The following GGA2 variants were observed in gnomAD, a reference collection of about 807,000 sequenced individuals.
GGA2 encodes ADP-ribosylation factor-binding protein GGA2.
A neutral mutation model predicts 79.5 loss-of-function variants in GGA2; 48 were observed. The observed-to-expected ratio is 0.60, with a 90% CI of 0.48 to 0.77. The LOEUF (loss-of-function observed/expected upper bound fraction) is 0.77, where lower values mean the gene tolerates loss of function less well. Ranked by LOEUF, GGA2 falls within the 30% of genes least tolerant of loss-of-function variation. GGA2 has a pLI of 0.00. For missense variants in GGA2, 770 were observed against 774.0 expected (o/e 0.99, Z 0.06); for synonymous variants, 317 against 302.0 (o/e 1.05, Z -0.51).
At chr16:23,516,011 ATT>A (rs34582265) in intron 2 of GGA2, among the ~76,000 whole-genome samples, 1 of 141,078 alleles carries the variant, frequency 7.1e-6, no homozygotes, top group Non-Finnish European at 1.5e-5. Context: ...CCTCTGACCT[ATT>A]TTTTTTTTTT....
Position 23,464,976 on chromosome 16 carries a change from G to A in GGA2, c.*2614C>T. 1 of 258,170 alleles carries A rather than the reference G, an allele frequency of 3.9e-6. No homozygotes were observed. The highest frequency in any genetic ancestry group is 7.5e-6 in the Non-Finnish European group (1 of 132,968). 16.0% of individuals were successfully genotyped at this position (258,170 alleles called of 1,614,324 possible). ...ACACTTAAGAGACAGAGGAAAAAGA[G>A]CAGTCACGGAGGTAGGTCACGAAAT... On this transcript the variant is annotated 3_prime_UTR_variant, in exon 17 of 17. Transcript: ENST00000309859.
upstream of GGA2, chr16:23,522,254 A>C: frequency 5.9e-6 from 1 of 169,474 alleles, no homozygotes; most frequent in Admixed American, 5.7e-5. Flanking sequence ...GAAACTACCT[A>C]TTACTGGCCA....
At chr16:23,508,973 G>A (rs1329648187) in intron 1 of GGA2, among the ~76,000 whole-genome samples, 1 of 151,894 alleles carries the variant, frequency 6.6e-6, no homozygotes, top group Non-Finnish European at 1.5e-5. Flanking sequence ...TGCTGACTAC[G>A]CCTGCTCATT....
Position 23,520,136 on chromosome 16 carries a change from C to T in GGA2, c.9-497G>A, listed in dbSNP as rs561652876. 1.5e-4 allele frequency among the ~76,000 whole-genome samples: 23 copies of T among 152,072 alleles called. No individual in the cohort carries two copies. The South Asian group carries it at 3.3e-3, about 22-fold the overall frequency. On this transcript the variant is annotated intron_variant, in intron 1 of 5. Transcript: ENST00000569300. ...CGGCACATGGCACATGCCTGTAATC[C>T]CAGCTACTTGGGAGGCTGAGGCAGG...
At chr16:23,497,110 CAA>C (rs10716091) in intron 1 of GGA2, among the ~76,000 whole-genome samples, 38 of 144,800 alleles carry the variant, frequency 2.6e-4, no homozygotes, top group East Asian at 4.0e-4. Flanking sequence ...GCCTCAAAAA[CAA>C]AAAAAAAAAA....
chr16:23,486,300 G>GA (rs1192497690), intron 7 of GGA2, 148 bp from the exon 8 acceptor site: 3 of 695,096 alleles, frequency 4.3e-6, no homozygotes, highest in Non-Finnish European at 4.9e-6. Context: ...CACAGTGGGT[G>GA]AAAAAATACT....
chr16:23,472,399 T>C lies in GGA2; in HGVS notation c.1451-2234A>G, dbSNP rs1210347892. On this transcript the variant is annotated intron_variant, in intron 14 of 16. Coordinates refer to ENST00000309859, the MANE Select transcript of GGA2 (RefSeq NM_015044.4). ...TTTTAGTAGAGACAGGGTTTCACCA[T>C]GTTGGCCAGGTTGGTCTCAAACTCC... Among the ~76,000 whole-genome samples, 14 of 151,534 alleles carry C rather than the reference T, an allele frequency of 9.2e-5. No homozygotes were observed. The East Asian group carries it at 2.2e-3, about 24-fold the overall frequency.
chr16:23,503,890 T>C (rs959622890), intron 1 of GGA2, among the ~76,000 whole-genome samples: 1 of 152,168 alleles, frequency 6.6e-6, no homozygotes, highest in Non-Finnish European at 1.5e-5. Context: ...AAGACCAGCC[T>C]GACCAACATG....
chr16:23,478,831 AG>A (rs1964610556), intron 12 of GGA2, 51 bp downstream of exon 12: 1 of 1,272,848 alleles, frequency 7.9e-7, no homozygotes, highest in Non-Finnish European at 1.1e-6. Flanking sequence ...TCACAAGGGC[AG>A]GTCTGAGACC....
rs1257122844 is a variant in GGA2 at position 23,479,678 on chromosome 16, A to G, written c.1129+87T>C. ...TCACAACCATCTCGACTCCCTCAGC[A>G]GCAGGCATGTGCTCCGCGAAGGGAA... On this transcript the variant is annotated intron_variant, in intron 11 of 16. Transcript: ENST00000309859. 3 of 1,454,218 alleles carry G rather than the reference A, an allele frequency of 2.1e-6. No homozygotes were observed. The African/African-American group carries it at 4.2e-5, about 20-fold the overall frequency. The allele number at this position is 1,454,218 out of a possible 1,614,324, so 90.1% of individuals were successfully genotyped here. A position where few individuals can be genotyped will look rare whatever the true frequency, so the allele number is the denominator to read the frequency against.
Position 23,465,401 on chromosome 16 carries a change from G to A in GGA2, c.*2189C>T. 1 of 703,030 alleles carries A rather than the reference G, an allele frequency of 1.4e-6. No homozygotes were observed. The highest frequency in any genetic ancestry group is 2.6e-6 in the Non-Finnish European group (1 of 384,832). 43.5% of individuals were successfully genotyped at this position (703,030 alleles called of 1,614,324 possible). A position where few individuals can be genotyped will look rare whatever the true frequency, so the allele number is the denominator to read the frequency against. ...ACAGCCACTTTCAGGACAGCAGCCT[G>A]CCTCCTCTCCTCCTACCCCTATCCT... On this transcript the variant is annotated 3_prime_UTR_variant, in exon 17 of 17. Coordinates refer to ENST00000309859, the MANE Select transcript of GGA2 (RefSeq NM_015044.4).
chr16:23,494,437 G>T lies in GGA2; in HGVS notation c.177-59C>A, dbSNP rs974358246. On this transcript the variant is annotated intron_variant, in intron 2 of 16. Coordinates refer to ENST00000309859, the MANE Select transcript of GGA2 (RefSeq NM_015044.4). Reference sequence around the variant, plus strand: ...GGGCAAAAAGAAACTAACCCGAGTGGCTGAGCATGCTCAGTAAAATCACTT... The same window carrying T: ...GGGCAAAAAGAAACTAACCCGAGTGTCTGAGCATGCTCAGTAAAATCACTT... The T allele has an allele frequency of 2.9e-6, 3 of 1,032,586 alleles. No homozygotes were observed. The African/African-American group carries it at 4.7e-5, about 16-fold the overall frequency. 64.0% of individuals were successfully genotyped at this position (1,032,586 alleles called of 1,614,324 possible).
At chr16:23,501,414 G>A (rs1463632837) in intron 1 of GGA2, 1 of 440,102 alleles carries the variant, frequency 2.3e-6, no homozygotes, top group Non-Finnish European at 4.6e-6. Context: ...ATGGAGAAGT[G>A]TTTTTTGGAG....
chr16:23,519,041 CTTTTTTT>C (rs368986914), intron 2 of GGA2, among the ~76,000 whole-genome samples: 2 of 104,578 alleles, frequency 1.9e-5, no homozygotes, highest in Non-Finnish European at 3.9e-5. Context: ...CGGATACTGT[CTTTTTTT>C]TTTTTTTTTT....
intron 2 of GGA2, among the ~76,000 whole-genome samples, chr16:23,517,261 G>A (rs1965108396): frequency 2.4e-4 from 1 of 4,114 alleles, no homozygotes; most frequent in Non-Finnish European, 6.5e-4. Context: ...ACGGAGTCTC[G>A]CTCTGTCGCC....
chr16:23,508,506 C>T (rs901321805), intron 1 of GGA2, among the ~76,000 whole-genome samples: 1 of 152,192 alleles, frequency 6.6e-6, no homozygotes, highest in African/African-American at 2.4e-5. Flanking sequence ...TCTCCTTCCT[C>T]ATTCTCCTCC....
chr16:23,499,188 G>A (rs1381597848), intron 1 of GGA2, among the ~76,000 whole-genome samples: 2 of 140,226 alleles, frequency 1.4e-5, no homozygotes, highest in Non-Finnish European at 3.0e-5. Flanking sequence ...TCTGTCACCC[G>A]GGCTGGTGTG....
chr16:23,504,878 G>T (rs779060797), intron 1 of GGA2, among the ~76,000 whole-genome samples: 6 of 152,180 alleles, frequency 3.9e-5, no homozygotes, highest in Non-Finnish European at 7.3e-5. Context: ...GCGTGCTACA[G>T]GGCCAGAGGT....
chr16:23,469,991 C>T lies in GGA2; in HGVS notation c.1620+5G>A. On this transcript the variant is annotated splice_donor_5th_base_variant and intron_variant, in intron 15 of 16. Coordinates refer to ENST00000309859, the MANE Select transcript of GGA2 (RefSeq NM_015044.4). The stretch of plus-strand genomic sequence containing the variant: ...TTACTGAGAAATCCCCAACAGATGA[C>T]TCACCTTTGGCACAGCCACTTGAAA... 6.6e-7 allele frequency: 1 copy of T among 1,515,028 alleles called. No homozygotes were observed. Among genetic ancestry groups the T allele is most frequent in the Non-Finnish European group, 8.9e-7 (1 of 1,129,266 alleles). The allele number at this position is 1,515,028 out of a possible 1,614,324, so 93.8% of individuals were successfully genotyped here. A position where few individuals can be genotyped will look rare whatever the true frequency, so the allele number is the denominator to read the frequency against.
Sources: gnomAD v4.1 joint callset for allele counts (sites outside exome capture counted in the v4.1 genomes callset) on GRCh38, gnomAD v4.1.1 for gene constraint, MANE v1.5 for transcripts, NCBI Gene and HGNC (gene_info 2026-07-23, HGNC 2026-07-21) for gene names.